Variants in NELL1 observed in about 807,000 individuals in gnomAD.
NELL1 encodes the protein neural EGFL like 1.
Under a neutral mutation model 107.4 loss-of-function variants are expected in NELL1, and 76 were observed. That is an observed-to-expected ratio of 0.71 (90% confidence interval 0.59 to 0.86). The LOEUF (loss-of-function observed/expected upper bound fraction) is 0.86. Ranked by LOEUF, NELL1 falls within the 40% of genes least tolerant of loss-of-function variation. The pLI, the probability that NELL1 is intolerant of heterozygous loss-of-function variation, is 0.00. For missense variants in NELL1, 1,024 were observed against 1,005.5 expected (o/e 1.02, Z -0.25); for synonymous variants, 353 against 341.2 (o/e 1.03, Z -0.38).
At chr11:20,801,130 G>A (rs1221855257) in intron 3 of NELL1, among the ~76,000 whole-genome samples, 1 of 152,180 alleles carries the variant, frequency 6.6e-6, no homozygotes, top group Non-Finnish European at 1.5e-5. Flanking sequence ...AATTGCTGCT[G>A]TGTGGTTTCC....
intron 5 of NELL1, among the ~76,000 whole-genome samples, chr11:20,914,820 G>T (rs1196477552): frequency 6.6e-6 from 1 of 151,968 alleles, no homozygotes; most frequent in South Asian, 2.1e-4. Flanking sequence ...CATATGACCA[G>T]GTAATCTGGT....
intron 10 of NELL1, among the ~76,000 whole-genome samples, chr11:20,940,955 A>G (rs931472569): frequency 3.3e-5 from 5 of 152,114 alleles, no homozygotes; most frequent in African/African-American, 9.7e-5. Flanking sequence ...TCTGGACAAC[A>G]TGGTGAAACT....
At chr11:21,564,170 A>G (rs1856916483) in intron 17 of NELL1, among the ~76,000 whole-genome samples, 2 of 151,976 alleles carry the variant, frequency 1.3e-5, no homozygotes, top group Non-Finnish European at 1.5e-5. Context: ...GATTGACAGC[A>G]TGATGGATGA....
chr11:21,281,518 T>C (rs1365452951), intron 14 of NELL1, among the ~76,000 whole-genome samples: 1 of 152,130 alleles, frequency 6.6e-6, no homozygotes, highest in Non-Finnish European at 1.5e-5. Context: ...CTGGCTGGCT[T>C]CACTATCCAC....
chr11:20,937,609 C>T (rs544879480), intron 9 of NELL1, among the ~76,000 whole-genome samples, 177 bp from the exon 10 acceptor site: 19 of 152,320 alleles, frequency 1.2e-4, no homozygotes, highest in Non-Finnish European at 2.2e-4. Flanking sequence ...TGAGGTCTGC[C>T]TGGGAGATTT....
At chr11:21,037,331 C>A (rs1476816514) in intron 12 of NELL1, among the ~76,000 whole-genome samples, 1 of 152,052 alleles carries the variant, frequency 6.6e-6, no homozygotes, top group Non-Finnish European at 1.5e-5. Flanking sequence ...GAACTGCTAA[C>A]CTTGGGCCAC....
At chr11:20,863,266 C>CGG (rs1404720778) in intron 4 of NELL1, among the ~76,000 whole-genome samples, 1 of 143,534 alleles carries the variant, frequency 7.0e-6, no homozygotes, top group Non-Finnish European at 1.5e-5. Context: ...GCTGGCTGGG[C>CGG]GGGGGCTGAC....
chr11:21,410,014 A>G (rs560996797), intron 15 of NELL1, among the ~76,000 whole-genome samples: 2 of 152,190 alleles, frequency 1.3e-5, no homozygotes, highest in East Asian at 3.9e-4. Context: ...GTTAAAAATA[A>G]TTTTCACAAT....
intron 12 of NELL1, among the ~76,000 whole-genome samples, chr11:21,039,849 T>C (rs1853186126): frequency 6.6e-6 from 1 of 152,116 alleles, no homozygotes; most frequent in African/African-American, 2.4e-5. Context: ...ATGCCCTTAT[T>C]CTATTAACCC....
At chr11:21,376,359 G>T (rs1851479632) in intron 15 of NELL1, among the ~76,000 whole-genome samples, 1 of 151,962 alleles carries the variant, frequency 6.6e-6, no homozygotes, top group Non-Finnish European at 1.5e-5. Flanking sequence ...GATGGCTGTG[G>T]GTGTGCAGCT....
intron 2 of NELL1, among the ~76,000 whole-genome samples, chr11:20,697,660 A>G (rs1273288882): frequency 6.6e-6 from 1 of 152,110 alleles, no homozygotes; most frequent in Non-Finnish European, 1.5e-5. Context: ...TCAGAAGGGC[A>G]AATATGACCT....
At chr11:20,991,657 G>A (rs1186067297) in intron 12 of NELL1, among the ~76,000 whole-genome samples, 4 of 152,130 alleles carry the variant, frequency 2.6e-5, no homozygotes, top group African/African-American at 4.8e-5. Context: ...TTGGTCGTTT[G>A]TTTGCATCAA....
Position 20,753,565 on chromosome 11 carries a change from T to G in NELL1, c.185-30115T>G, listed in dbSNP as rs181674554. On this transcript the variant is annotated intron_variant, in intron 2 of 19. Transcript: ENST00000357134. ...TAATTTGTATTTTTAGGTGCCGGTC[T>G]CCTTCATTAGGCCACCACCTCTTTA... Among the ~76,000 whole-genome samples the G allele has an allele frequency of 3.8e-3, 584 of 152,052 alleles. 3 individuals carry two copies. Among genetic ancestry groups the G allele is most frequent in the African/African-American group, 0.014 (572 of 41,316 alleles).
intron 9 of NELL1, among the ~76,000 whole-genome samples, chr11:20,936,097 A>C (rs1348290126): frequency 6.6e-6 from 1 of 152,136 alleles, no homozygotes; most frequent in Non-Finnish European, 1.5e-5. Context: ...TGGTGAAGGA[A>C]GAAGAATTGG....
In NELL1 at chr11:21,110,115, T is replaced by A. The variant is rs536492499; in HGVS notation, c.1301-3474T>A. ...GCTTTTATATCTGGTGGTTACATGA[T>A]GAAGAATAAGCAATGAAGGCAAGAT... On this transcript the variant is annotated intron_variant, in intron 12 of 19. Coordinates refer to ENST00000357134, the MANE Select transcript of NELL1 (RefSeq NM_006157.5). Among the ~76,000 whole-genome samples, 3 of 152,282 alleles carry A rather than the reference T, an allele frequency of 2.0e-5. No homozygotes were observed. In the South Asian group the frequency reaches 6.2e-4, roughly 32 times the overall value.
At chr11:21,091,487 C>T (rs1854519498) in intron 12 of NELL1, among the ~76,000 whole-genome samples, 1 of 152,142 alleles carries the variant, frequency 6.6e-6, no homozygotes, top group Non-Finnish European at 1.5e-5. Context: ...ATTTTTAATG[C>T]ATTTTCAACT....
intron 5 of NELL1, among the ~76,000 whole-genome samples, chr11:20,899,028 G>A (rs1302809223): frequency 6.6e-6 from 1 of 152,008 alleles, no homozygotes; most frequent in East Asian, 1.9e-4. Context: ...AGGGAAAATG[G>A]ATACATTTGC....
chr11:20,712,040 A>G (rs1056701196), intron 2 of NELL1, among the ~76,000 whole-genome samples: 1 of 152,148 alleles, frequency 6.6e-6, no homozygotes, highest in Admixed American at 6.5e-5. Context: ...TCCCTCAAAT[A>G]TGTGTTCCAA....
At chr11:20,796,684 C>G (rs1361415289) in intron 3 of NELL1, among the ~76,000 whole-genome samples, 3 of 152,128 alleles carry the variant, frequency 2.0e-5, no homozygotes, top group Non-Finnish European at 2.9e-5. Context: ...CAGCATCATT[C>G]TGGAGATAAC....
Sources: allele counts gnomAD v4.1 joint callset (sites outside exome capture counted in the v4.1 genomes callset), GRCh38; gene constraint gnomAD v4.1.1; transcripts MANE v1.5; gene names NCBI Gene and HGNC (gene_info 2026-07-23, HGNC 2026-07-21).